The following SAMD5 variants were observed in gnomAD, a reference collection of about 807,000 sequenced individuals.
SAMD5 encodes sterile alpha motif domain containing 5, also known as sterile alpha motif domain-containing protein 5.
SAMD5 carries 13 observed loss-of-function variants against 11.3 expected under a neutral mutation model. The observed-to-expected ratio is 1.15, with a 90% CI of 0.75 to 1.83. The LOEUF (loss-of-function observed/expected upper bound fraction) is 1.83, where lower values mean the gene tolerates loss of function less well. SAMD5 is among the 40% of genes most tolerant of loss of function. SAMD5 has a pLI of 0.00. For missense variants in SAMD5, 255 were observed against 239.1 expected (o/e 1.07, Z -0.44); for synonymous variants, 129 against 111.3 (o/e 1.16, Z -1.00).
chr6:147,564,678 G>A lies in SAMD5; in HGVS notation c.*222G>A, dbSNP rs1334055843. 30 of 1,264,260 alleles carry A rather than the reference G, an allele frequency of 2.4e-5. No homozygotes were observed. Among genetic ancestry groups the A allele is most frequent in the Non-Finnish European group, 2.9e-5 (29 of 1,001,550 alleles). The allele number at this position is 1,264,260 out of a possible 1,614,324, so 78.3% of individuals were successfully genotyped here. ...GCAGTGAACTATCACGCATAAAGAA[G>A]TATTGAGTTCATTTTTTTAAGAAGA... On this transcript the variant is annotated 3_prime_UTR_variant, in exon 2 of 2. Transcript: ENST00000367474.
At chr6:147,637,383 A>G (rs1271602088) in intron 1 of SAMD5, among the ~76,000 whole-genome samples, 1 of 152,214 alleles carries the variant, frequency 6.6e-6, no homozygotes, top group Non-Finnish European at 1.5e-5. Context: ...TATCTCTCTG[A>G]ACCTCAGCTT....
the SAMD5 span, among the ~76,000 whole-genome samples, chr6:147,781,212 A>G: frequency 1.3e-5 from 2 of 150,640 alleles, no homozygotes; most frequent in African/African-American, 4.9e-5. Flanking sequence ...CTAGAGTGCA[A>G]TGGCTTGATC....
chr6:147,771,121 A>T, the SAMD5 span, among the ~76,000 whole-genome samples: 2 of 152,170 alleles, frequency 1.3e-5, no homozygotes, highest in African/African-American at 4.8e-5. Context: ...AGGGCTTCTG[A>T]ATAATGCTTG....
chr6:147,615,795 T>G (rs1267824352), intron 1 of SAMD5, among the ~76,000 whole-genome samples: 12 of 152,226 alleles, frequency 7.9e-5, no homozygotes, highest in Non-Finnish European at 4.4e-5. Flanking sequence ...TTAACTGAAA[T>G]GTTTGCAGTT....
the SAMD5 span, among the ~76,000 whole-genome samples, chr6:147,908,112 C>T: frequency 6.6e-6 from 1 of 152,166 alleles, no homozygotes. Flanking sequence ...ACCCAAATCA[C>T]TAGTTTTCCA....
At chr6:147,874,721 T>C in the SAMD5 span, among the ~76,000 whole-genome samples, 2 of 113,770 alleles carry the variant, frequency 1.8e-5, no homozygotes, top group African/African-American at 2.8e-5. Context: ...ATCAGTACTT[T>C]TGAAGATGTC....
intron 1 of SAMD5, among the ~76,000 whole-genome samples, chr6:147,586,341 A>G (rs1789373376): frequency 6.6e-6 from 1 of 152,192 alleles, no homozygotes; most frequent in Non-Finnish European, 1.5e-5. Flanking sequence ...TTATTTTAAG[A>G]GACTGGGGAG....
At chr6:147,923,170 A>G in the SAMD5 span, among the ~76,000 whole-genome samples, 1 of 152,228 alleles carries the variant, frequency 6.6e-6, no homozygotes, top group Non-Finnish European at 1.5e-5. Flanking sequence ...GGAAAACAAC[A>G]TGTGAAGTTA....
the SAMD5 span, among the ~76,000 whole-genome samples, chr6:147,897,804 G>A: frequency 6.6e-6 from 1 of 151,838 alleles, no homozygotes; most frequent in South Asian, 2.1e-4. Flanking sequence ...AAATAGCCAG[G>A]CCTGGTGTCA....
At chr6:147,912,703 A>G in the SAMD5 span, among the ~76,000 whole-genome samples, 1 of 152,192 alleles carries the variant, frequency 6.6e-6, no homozygotes, top group Non-Finnish European at 1.5e-5. Flanking sequence ...TGAATGGCCT[A>G]TGGTACATAT....
At chr6:147,720,238 G>A (rs1791528162) in intron 1 of SAMD5, among the ~76,000 whole-genome samples, 1 of 152,188 alleles carries the variant, frequency 6.6e-6, no homozygotes. Context: ...AGGGCGGGCG[G>A]ATCACGAGGT....
chr6:147,721,509 G>A (rs1416523353), intron 1 of SAMD5, among the ~76,000 whole-genome samples: 2 of 152,186 alleles, frequency 1.3e-5, no homozygotes, highest in Non-Finnish European at 2.9e-5. Context: ...TTTGAGAAGT[G>A]TCTGTTCATA....
At chr6:147,756,618 G>A in the SAMD5 span, among the ~76,000 whole-genome samples, 20 of 152,240 alleles carry the variant, frequency 1.3e-4, no homozygotes, top group African/African-American at 4.8e-4. Flanking sequence ...TTACCATTTA[G>A]GAGTCATTTG....
intron 1 of SAMD5, among the ~76,000 whole-genome samples, chr6:147,665,692 T>C (rs889090096): frequency 2.0e-5 from 3 of 152,190 alleles, no homozygotes; most frequent in Admixed American, 6.5e-5. Flanking sequence ...CAGACATAAT[T>C]TCTGCCAAGA....
intron 1 of SAMD5, among the ~76,000 whole-genome samples, chr6:147,583,303 T>G (rs945014601): frequency 2.6e-5 from 4 of 152,230 alleles, no homozygotes; most frequent in African/African-American, 9.6e-5. Context: ...CTCAATGAAC[T>G]AAAATTTAAA....
At chr6:147,666,997 C>T (rs1790731905) in intron 1 of SAMD5, among the ~76,000 whole-genome samples, 3 of 152,048 alleles carry the variant, frequency 2.0e-5, no homozygotes, top group South Asian at 4.1e-4. Context: ...CCATTTTTTC[C>T]GAGGCCTGGA....
In SAMD5 at chr6:147,509,401, G is replaced by T. The variant is rs1032136213; in HGVS notation, c.459+14G>T. ...TACTCCCGCAAGGTAAGGAGGTGCCGTCCGGGCGGCCCGGGGCGCGCGGCG... is the reference window on the plus strand; with the variant it reads ...TACTCCCGCAAGGTAAGGAGGTGCCTTCCGGGCGGCCCGGGGCGCGCGGCG... On this transcript the variant is annotated intron_variant, in intron 1 of 1. Transcript: ENST00000367474. The T allele has an allele frequency of 1.7e-5, 26 of 1,508,752 alleles. No individual in the cohort carries two copies. The highest frequency in any genetic ancestry group is 2.2e-5 in the Non-Finnish European group (25 of 1,129,050). The allele number at this position is 1,508,752 out of a possible 1,614,324, so 93.5% of individuals were successfully genotyped here.
intron 1 of SAMD5, among the ~76,000 whole-genome samples, chr6:147,713,180 T>C (rs1215902860): frequency 1.3e-5 from 2 of 152,206 alleles, no homozygotes; most frequent in Non-Finnish European, 2.9e-5. Context: ...CTTGGTCTTT[T>C]AGAGAACTCA....
chr6:147,600,954 A>C (rs547375760), intron 1 of SAMD5, among the ~76,000 whole-genome samples: 3 of 152,216 alleles, frequency 2.0e-5, no homozygotes, highest in Non-Finnish European at 4.4e-5. Context: ...AAGACTTAAA[A>C]CTAGATCATC....
Sources: gnomAD v4.1 joint callset for allele counts (sites outside exome capture counted in the v4.1 genomes callset) on GRCh38, gnomAD v4.1.1 for gene constraint, MANE v1.5 for transcripts, NCBI Gene and HGNC (gene_info 2026-07-23, HGNC 2026-07-21) for gene names.